RNF150: variants seen among roughly 807,000 people sequenced by gnomAD.
The protein encoded by RNF150 is ring finger protein 150.
A neutral mutation model predicts 39.3 loss-of-function variants in RNF150; 24 were observed. That is an observed-to-expected ratio of 0.61 (90% CI 0.44 to 0.86). RNF150 has a LOEUF of 0.86. Among genes scored for constraint, RNF150 ranks in the 40% least tolerant of loss-of-function variants. The pLI, the probability that RNF150 is intolerant of heterozygous loss-of-function variation, is 0.00. For synonymous variants in RNF150, 255 were observed against 227.3 expected (o/e 1.12, Z -1.10); for missense variants, 502 against 587.8 (o/e 0.85, Z 1.51).
At chr4:141,148,449 C>A (rs1233707197) in intron 1 of RNF150, among the ~76,000 whole-genome samples, 1 of 152,006 alleles carries the variant, frequency 6.6e-6, no homozygotes, top group Non-Finnish European at 1.5e-5. Context: ...TAAAGCTTTT[C>A]ACTTTTTTTT....
chr4:140,929,516 A>G (rs1011221605), intron 4 of RNF150, among the ~76,000 whole-genome samples: 5 of 151,370 alleles, frequency 3.3e-5, no homozygotes, highest in African/African-American at 1.2e-4. Context: ...ACAGGCACCC[A>G]CCACCACGCC....
chr4:141,011,978 G>A (rs1436723905), intron 1 of RNF150, among the ~76,000 whole-genome samples: 2 of 152,240 alleles, frequency 1.3e-5, no homozygotes, highest in African/African-American at 4.8e-5. Flanking sequence ...ATATTAAACT[G>A]AGCTCCAAGA....
chr4:140,961,574 T>A (rs1163459823), intron 2 of RNF150, among the ~76,000 whole-genome samples: 1 of 152,200 alleles, frequency 6.6e-6, no homozygotes, highest in Non-Finnish European at 1.5e-5. Context: ...AGCTATGACC[T>A]GTACAGCTAT....
intron 1 of RNF150, among the ~76,000 whole-genome samples, chr4:141,201,405 GGTTT>G (rs1301907782): frequency 6.6e-6 from 1 of 152,230 alleles, no homozygotes; most frequent in South Asian, 2.1e-4. Flanking sequence ...ATAGATTCCA[GGTTT>G]GTTTATTATA....
chr4:140,952,197 T>C (rs528051091), intron 2 of RNF150, among the ~76,000 whole-genome samples: 127 of 151,916 alleles, frequency 8.4e-4, no homozygotes, highest in Admixed American at 1.8e-3. Flanking sequence ...GTATTTTTAG[T>C]AGAGATGGGT....
At chr4:141,209,739 C>A (rs1728432711) in intron 1 of RNF150, among the ~76,000 whole-genome samples, 1 of 151,850 alleles carries the variant, frequency 6.6e-6, no homozygotes, top group African/African-American at 2.4e-5. Flanking sequence ...CTTTTAATTC[C>A]CCATCCACCC....
chr4:141,097,987 C>G (rs1738863694), intron 1 of RNF150, among the ~76,000 whole-genome samples: 1 of 152,134 alleles, frequency 6.6e-6, no homozygotes. Context: ...AGATGCCCCC[C>G]TCCCTTATGA....
intron 1 of RNF150, among the ~76,000 whole-genome samples, chr4:141,098,117 C>G (rs1738868764): frequency 1.3e-5 from 2 of 152,200 alleles, no homozygotes; most frequent in Non-Finnish European, 2.9e-5. Flanking sequence ...AATCTACAGC[C>G]AATTTCCTGC....
intron 1 of RNF150, among the ~76,000 whole-genome samples, chr4:141,183,660 T>G (rs146284583): frequency 3.9e-5 from 6 of 152,264 alleles, no homozygotes; most frequent in South Asian, 2.1e-4. Context: ...TTTCTCCTAA[T>G]GCTATCCCTC....
intron 1 of RNF150, among the ~76,000 whole-genome samples, chr4:141,070,384 A>G (rs1275795529): frequency 1.3e-5 from 2 of 149,790 alleles, no homozygotes; most frequent in Non-Finnish European, 3.0e-5. Context: ...GACAAATGGG[A>G]TCTAATTAAA....
chr4:141,126,138 A>G (rs1411060928), intron 1 of RNF150, among the ~76,000 whole-genome samples: 1 of 152,044 alleles, frequency 6.6e-6, no homozygotes, highest in Non-Finnish European at 1.5e-5. Context: ...AGAAGGTGAG[A>G]TTATTTTGGC....
chr4:141,175,701 T>TA (rs1727797921), intron 1 of RNF150, among the ~76,000 whole-genome samples: 1 of 152,226 alleles, frequency 6.6e-6, no homozygotes, highest in Admixed American at 6.5e-5. Flanking sequence ...AGGGCTACTA[T>TA]AACTGCGTAG....
intron 1 of RNF150, among the ~76,000 whole-genome samples, chr4:141,176,964 C>G (rs960559875): frequency 2.6e-5 from 4 of 151,022 alleles, no homozygotes; most frequent in African/African-American, 9.8e-5. Flanking sequence ...ACCTGTAATC[C>G]CAGCATTTTG....
chr4:141,096,193 T>TC lies in RNF150; in HGVS notation c.484+36131_484+36132insG, dbSNP rs1427410215. Among the ~76,000 whole-genome samples the TC allele has an allele frequency of 2.5e-3, 184 of 74,194 alleles. 1 individual carries two copies. The highest frequency in any genetic ancestry group is 8.0e-3 in the African/African-American group (168 of 20,966). The allele number at this position is 74,194 out of a possible 152,430, so 48.7% of individuals were successfully genotyped here. On this transcript the variant is annotated intron_variant, in intron 1 of 6. Coordinates refer to ENST00000515673, the MANE Select transcript of RNF150 (RefSeq NM_020724.2). ...ACCAAGGAGAGTTTTTAGCTTTCTT[T>TC]TTTTTTTTTTTTTTTTTTTTTTAGA...
chr4:140,990,204 T>C (rs944623868), intron 1 of RNF150, among the ~76,000 whole-genome samples: 2 of 152,210 alleles, frequency 1.3e-5, no homozygotes, highest in Admixed American at 6.5e-5. Flanking sequence ...TAAGTGCCTG[T>C]ACAACCAGTG....
intron 1 of RNF150, among the ~76,000 whole-genome samples, chr4:141,169,298 T>A (rs961115844): frequency 6.6e-6 from 1 of 152,142 alleles, no homozygotes; most frequent in African/African-American, 2.4e-5. Context: ...CCTTCTGCCA[T>A]GATTGTAAGT....
At chr4:140,980,869 CA>C (rs1560998130) in intron 1 of RNF150, among the ~76,000 whole-genome samples, 1 of 152,126 alleles carries the variant, frequency 6.6e-6, no homozygotes, top group Non-Finnish European at 1.5e-5. Flanking sequence ...TACCTCTTCT[CA>C]AAAATTTTTG....
chr4:141,065,719 G>A (rs1737429574), intron 1 of RNF150, among the ~76,000 whole-genome samples: 1 of 151,876 alleles, frequency 6.6e-6, no homozygotes, highest in African/African-American at 2.4e-5. Context: ...CTGGTCATGA[G>A]GAAAAACTGA....
chr4:141,063,625 G>C (rs761665393), intron 1 of RNF150, among the ~76,000 whole-genome samples: 1 of 152,156 alleles, frequency 6.6e-6, no homozygotes, highest in Non-Finnish European at 1.5e-5. Flanking sequence ...GGGCTGGATG[G>C]GGGTGGACGT....
Sources: gnomAD v4.1 joint callset for allele counts (sites outside exome capture counted in the v4.1 genomes callset) on GRCh38, gnomAD v4.1.1 for gene constraint, MANE v1.5 for transcripts, NCBI Gene and HGNC (gene_info 2026-07-23, HGNC 2026-07-21) for gene names.